NCAM1: variants seen among roughly 807,000 people sequenced by gnomAD.
NCAM1 encodes the protein neural cell adhesion molecule 1, also known as antigen recognized by monoclonal antibody 5.1H11.
A neutral mutation model predicts 109.8 loss-of-function variants in NCAM1; 14 were observed. That is an observed-to-expected ratio of 0.13 (90% CI 0.08 to 0.20). The LOEUF (loss-of-function observed/expected upper bound fraction) is 0.20. NCAM1 is among the 10% of genes least tolerant of loss of function. The pLI is 1.00. For synonymous variants in NCAM1, 418 were observed against 442.9 expected, an observed-to-expected ratio of 0.94 and a Z score of 0.70; for missense variants, 774 against 1,109.9, an observed-to-expected ratio of 0.70 and a Z score of 4.30.
At chr11:113,173,568 T>C (rs1185351220) in intron 1 of NCAM1, among the ~76,000 whole-genome samples, 1 of 131,922 alleles carries the variant, frequency 7.6e-6, no homozygotes, top group Admixed American at 8.1e-5. Context: ...GGAAAACATA[T>C]GACTAATATT....
intron 17 of NCAM1, among the ~76,000 whole-genome samples, chr11:113,268,102 G>C (rs1231637069): frequency 6.6e-6 from 1 of 152,194 alleles, no homozygotes; most frequent in Non-Finnish European, 1.5e-5. Flanking sequence ...GAAAACCCAA[G>C]GCTAAAGTTT....
chr11:113,101,866 A>G (rs2574830), intron 1 of NCAM1, among the ~76,000 whole-genome samples: 5,288 of 152,272 alleles, frequency 0.035, 148 homozygotes, highest in East Asian at 0.088. Flanking sequence ...TGCTTCCCCA[A>G]TGATGTGTAT....
intron 1 of NCAM1, among the ~76,000 whole-genome samples, chr11:113,113,040 G>A (rs1555094047): frequency 6.6e-6 from 1 of 152,128 alleles, no homozygotes; most frequent in Non-Finnish European, 1.5e-5. Context: ...ACTGAGGCAG[G>A]AGAATTGCTT....
At chr11:113,010,158 T>A (rs1338056739) in intron 1 of NCAM1, among the ~76,000 whole-genome samples, 1 of 152,192 alleles carries the variant, frequency 6.6e-6, no homozygotes, top group Non-Finnish European at 1.5e-5. Context: ...TCACATTCGA[T>A]CCTGAACTAA....
intron 1 of NCAM1, among the ~76,000 whole-genome samples, chr11:113,023,710 T>C (rs1555076658): frequency 6.6e-6 from 1 of 152,228 alleles, no homozygotes; most frequent in Admixed American, 6.5e-5. Context: ...AAGATCAAGT[T>C]ATGAATTTCA....
intron 1 of NCAM1, among the ~76,000 whole-genome samples, chr11:113,086,957 A>G (rs544233450): frequency 3.2e-4 from 49 of 152,366 alleles, no homozygotes; most frequent in South Asian, 1.9e-3. Flanking sequence ...GATTGTACTT[A>G]AATCCCCTTT....
At chr11:113,202,557 A>G (rs1412181530) in intron 2 of NCAM1, 104 bp downstream of exon 2, 2 of 1,007,346 alleles carry the variant, frequency 2.0e-6, no homozygotes, top group Non-Finnish European at 2.9e-6. Context: ...AGCCACACCT[A>G]GAATTCTTGG....
chr11:112,982,465 G>C lies in NCAM1; in HGVS notation c.52+20801G>C, dbSNP rs542313487. 6.6e-4 allele frequency among the ~76,000 whole-genome samples: 101 copies of C among 151,946 alleles called. 1 individual carries two copies. Among genetic ancestry groups the C allele is most frequent in the South Asian group, 1.2e-3 (6 of 4,824 alleles). On this transcript the variant is annotated intron_variant, in intron 1 of 19. Coordinates refer to ENST00000316851, the MANE Select transcript of NCAM1 (RefSeq NM_181351.5). ...GAATGACTTGATGGGAGCATGTTTT[G>C]GGAAGTTGGATTTGTTGCTCTTCTT...
chr11:113,150,545 A>G (rs1305916274), intron 1 of NCAM1, among the ~76,000 whole-genome samples: 2 of 152,222 alleles, frequency 1.3e-5, no homozygotes, highest in Admixed American at 6.5e-5. Context: ...GCTAGCACCA[A>G]TATAGGCGCT....
chr11:113,045,304 T>G (rs1192042461), intron 1 of NCAM1, among the ~76,000 whole-genome samples: 1 of 151,912 alleles, frequency 6.6e-6, no homozygotes, highest in Non-Finnish European at 1.5e-5. Flanking sequence ...AGAGAGAGGA[T>G]GGCCGTTTTC....
chr11:112,975,092 G>C (rs1256422959), intron 1 of NCAM1, among the ~76,000 whole-genome samples: 4 of 152,054 alleles, frequency 2.6e-5, no homozygotes, highest in African/African-American at 9.7e-5. Flanking sequence ...AACCCGAACA[G>C]AGGAATGTTC....
chr11:113,239,499 CT>C (rs55641415), intron 14 of NCAM1, among the ~76,000 whole-genome samples: 6 of 110,216 alleles, frequency 5.4e-5, no homozygotes, highest in African/African-American at 7.1e-5. Context: ...TGAGTCTCTA[CT>C]TTTTTTTTTT....
At chr11:113,043,493 C>T (rs1295988447) in intron 1 of NCAM1, among the ~76,000 whole-genome samples, 5 of 152,064 alleles carry the variant, frequency 3.3e-5, no homozygotes, top group Admixed American at 1.3e-4. Flanking sequence ...TGTGCCACCA[C>T]GCCCAGCTAA....
At chr11:113,076,724 A>G (rs1009192255) in intron 1 of NCAM1, among the ~76,000 whole-genome samples, 2 of 152,202 alleles carry the variant, frequency 1.3e-5, no homozygotes, top group Non-Finnish European at 2.9e-5. Context: ...AAAATATAAC[A>G]GATTTGTTTC....
rs1391586814 is a variant in NCAM1 at position 113,233,638 on chromosome 11, C to G, written c.1693+321C>G. 6.6e-6 allele frequency among the ~76,000 whole-genome samples: 1 copy of G among 152,194 alleles called. No homozygotes were observed. Among genetic ancestry groups the G allele is most frequent in the African/African-American group, 2.4e-5 (1 of 41,454 alleles). ...CTGAGCATGGCCAGATGAGTCTAAT[C>G]CATCCTACTCTGCACGTTTGAGTTA... On this transcript the variant is annotated intron_variant, in intron 13 of 19. Transcript: ENST00000316851. This position sits in a 1 kb window ranked among gnomAD's most constrained non-coding sequence, Gnocchi z 4.5.
At chr11:113,136,966 G>T (rs1293454400) in intron 1 of NCAM1, among the ~76,000 whole-genome samples, 4 of 152,164 alleles carry the variant, frequency 2.6e-5, no homozygotes, top group African/African-American at 9.7e-5. Flanking sequence ...CCAAACAGAG[G>T]GCAGCTCTTG....
chr11:113,177,764 G>A (rs1401488413), intron 1 of NCAM1, among the ~76,000 whole-genome samples: 2 of 152,126 alleles, frequency 1.3e-5, no homozygotes, highest in South Asian at 4.1e-4. Context: ...ACAGTTTGTA[G>A]CCCCTGTCAT....
intron 1 of NCAM1, among the ~76,000 whole-genome samples, chr11:113,015,887 A>G (rs1952194940): frequency 6.6e-6 from 1 of 152,166 alleles, no homozygotes; most frequent in Non-Finnish European, 1.5e-5. Flanking sequence ...TCATAAAAGG[A>G]GGGCATAGAG....
chr11:113,252,579 A>C (rs1018008990), intron 15 of NCAM1, among the ~76,000 whole-genome samples: 16 of 152,114 alleles, frequency 1.1e-4, no homozygotes, highest in African/African-American at 3.9e-4. Context: ...GTAGATACTC[A>C]GTACACATCT....
Sources: allele counts gnomAD v4.1 joint callset (sites outside exome capture counted in the v4.1 genomes callset), GRCh38; gene constraint gnomAD v4.1.1; non-coding constraint Gnocchi (gnomAD v3.1); transcripts MANE v1.5; gene names NCBI Gene and HGNC (gene_info 2026-07-23, HGNC 2026-07-21).